ARHGAP15: variants seen among roughly 807,000 people sequenced by gnomAD.
ARHGAP15 encodes the protein rho GTPase-activating protein 15.
A neutral mutation model predicts 63.7 loss-of-function variants in ARHGAP15; 51 were observed. The observed-to-expected ratio is 0.80, with a 90% CI of 0.64 to 1.01. The LOEUF (loss-of-function observed/expected upper bound fraction) is 1.01, where lower values mean the gene tolerates loss of function less well. Among genes scored for constraint, ARHGAP15 ranks in the 50% least tolerant of loss-of-function variants. The probability of loss-of-function intolerance (pLI) is 0.00; values close to 1 mark genes in which losing one functional copy is unlikely to be tolerated. For synonymous variants in ARHGAP15, 191 were observed against 193.8 expected, an observed-to-expected ratio of 0.99 and a Z score of 0.12; for missense variants, 560 against 564.6, an observed-to-expected ratio of 0.99 and a Z score of 0.08.
At chr2:143,556,109 C>T (rs1419039684) in intron 10 of ARHGAP15, among the ~76,000 whole-genome samples, 1 of 152,064 alleles carries the variant, frequency 6.6e-6, no homozygotes, top group African/African-American at 2.4e-5. Flanking sequence ...TTCCCCCCTA[C>T]CCAGTTGGAT....
intron 6 of ARHGAP15, among the ~76,000 whole-genome samples, chr2:143,288,524 CT>C (rs1682228107): frequency 6.6e-6 from 1 of 151,988 alleles, no homozygotes; most frequent in South Asian, 2.1e-4. Flanking sequence ...GCTATTCAGT[CT>C]TCCTTTTAGA....
chr2:143,619,103 A>G (rs779070276), intron 11 of ARHGAP15, among the ~76,000 whole-genome samples: 159 of 152,044 alleles, frequency 1.0e-3, no homozygotes, highest in Non-Finnish European at 1.5e-3. Flanking sequence ...ATGAGTCACT[A>G]TACATGGACA....
intron 13 of ARHGAP15, among the ~76,000 whole-genome samples, chr2:143,737,162 G>A (rs76116177): frequency 0.072 from 10,915 of 152,254 alleles, 544 homozygotes; most frequent in East Asian, 0.26. Context: ...ATATGTTGTG[G>A]GCATTGGTCA....
chr2:143,431,936 T>C (rs1689406960), intron 6 of ARHGAP15, among the ~76,000 whole-genome samples: 1 of 152,014 alleles, frequency 6.6e-6, no homozygotes, highest in South Asian at 2.1e-4. Flanking sequence ...TCTTACATCT[T>C]TGGTAATCTC....
At chr2:143,208,212 C>T (rs1692419196) in intron 3 of ARHGAP15, among the ~76,000 whole-genome samples, 1 of 152,124 alleles carries the variant, frequency 6.6e-6, no homozygotes, top group African/African-American at 2.4e-5. Context: ...TCCTTTATAT[C>T]TCATATTGAG....
At chr2:143,264,468 A>G (rs1285897327) in intron 6 of ARHGAP15, among the ~76,000 whole-genome samples, 4 of 152,166 alleles carry the variant, frequency 2.6e-5, no homozygotes, top group African/African-American at 9.7e-5. Flanking sequence ...TCATATTCCC[A>G]AGAGTCAAGG....
intron 6 of ARHGAP15, among the ~76,000 whole-genome samples, chr2:143,307,400 G>T (rs1046903423): frequency 2.0e-5 from 3 of 152,056 alleles, no homozygotes; most frequent in African/African-American, 4.8e-5. Context: ...TTAGAATTTT[G>T]CTTTCCACAC....
chr2:143,528,334 C>T (rs1297533984), intron 10 of ARHGAP15, among the ~76,000 whole-genome samples: 4 of 152,010 alleles, frequency 2.6e-5, no homozygotes, highest in Non-Finnish European at 5.9e-5. Context: ...CATGTTAGTG[C>T]TGTTTTGTAT....
At chr2:143,426,232 C>T (rs1689132768) in intron 6 of ARHGAP15, among the ~76,000 whole-genome samples, 13 of 152,092 alleles carry the variant, frequency 8.5e-5, no homozygotes, top group Admixed American at 8.5e-4. Context: ...ACTATATCAC[C>T]ACCTGAGTTA....
At chr2:143,244,562 C>G (rs983296251) in intron 5 of ARHGAP15, among the ~76,000 whole-genome samples, 1 of 152,122 alleles carries the variant, frequency 6.6e-6, no homozygotes, top group Non-Finnish European at 1.5e-5. Flanking sequence ...AAACACATTG[C>G]ATTTTGGAAA....
chr2:143,705,247 C>A (rs527902295), intron 13 of ARHGAP15, among the ~76,000 whole-genome samples: 1 of 152,244 alleles, frequency 6.6e-6, no homozygotes, highest in East Asian at 1.9e-4. Context: ...AAAAGGGGAA[C>A]TTTATCTTAA....
intron 11 of ARHGAP15, among the ~76,000 whole-genome samples, chr2:143,568,116 A>C (rs1451144782): frequency 1.3e-5 from 2 of 152,214 alleles, no homozygotes; most frequent in Non-Finnish European, 2.9e-5. Context: ...ATGGGCAAGG[A>C]CTTCATGACT....
At chr2:143,764,282 A>G (rs1260484489) in intron 13 of ARHGAP15, among the ~76,000 whole-genome samples, 1 of 152,146 alleles carries the variant, frequency 6.6e-6, no homozygotes, top group Non-Finnish European at 1.5e-5. Context: ...AGTGGCTGAG[A>G]AGCCTTCTCC....
intron 5 of ARHGAP15, among the ~76,000 whole-genome samples, chr2:143,245,811 G>A (rs1244784786): frequency 6.6e-6 from 1 of 152,144 alleles, no homozygotes; most frequent in Non-Finnish European, 1.5e-5. Flanking sequence ...CTTCCTCTGA[G>A]GCAAAGCAGG....
chr2:143,320,403 TCCCCACC>T (rs1683954026), intron 6 of ARHGAP15, among the ~76,000 whole-genome samples: 1 of 9,008 alleles, frequency 1.1e-4, no homozygotes, highest in South Asian at 6.6e-3. Flanking sequence ...AATCAGGACT[TCCCCACC>T]CCCCCCCCCC....
In ARHGAP15 at chr2:143,723,371, G is replaced by C. The variant is rs558438144; in HGVS notation, c.1244+19847G>C. On this transcript the variant is annotated intron_variant, in intron 13 of 13. Coordinates refer to ENST00000295095, the MANE Select transcript of ARHGAP15 (RefSeq NM_018460.4). ...GAGGCTGGGGCTGAAGGAGGATGCTGGAGCAAAGCCGGAAAGCCAACAGTT... is the reference window on the plus strand; with the variant it reads ...GAGGCTGGGGCTGAAGGAGGATGCTCGAGCAAAGCCGGAAAGCCAACAGTT... Among the ~76,000 whole-genome samples the C allele has an allele frequency of 1.1e-3, 169 of 152,338 alleles. 1 individual carries two copies. The highest frequency in any genetic ancestry group is 1.7e-3 in the Non-Finnish European group (115 of 68,024).
intron 11 of ARHGAP15, among the ~76,000 whole-genome samples, chr2:143,580,305 G>T (rs1696843687): frequency 6.6e-6 from 1 of 152,038 alleles, no homozygotes; most frequent in African/African-American, 2.4e-5. Context: ...AAGATTTCCT[G>T]TATCTGTTAG....
chr2:143,742,386 G>A (rs1361671705), intron 13 of ARHGAP15, among the ~76,000 whole-genome samples: 5 of 152,182 alleles, frequency 3.3e-5, no homozygotes, highest in South Asian at 2.1e-4. Context: ...GTGGAAGACC[G>A]TGCAACGCCA....
chr2:143,682,960 A>T (rs1366844138), intron 12 of ARHGAP15: 2 of 152,188 alleles, frequency 1.3e-5, no homozygotes, highest in Admixed American at 1.3e-4. Flanking sequence ...TCCCGGAGTT[A>T]TTGATGGCAC....
Sources: gnomAD v4.1 joint callset for allele counts (sites outside exome capture counted in the v4.1 genomes callset) on GRCh38, gnomAD v4.1.1 for gene constraint, MANE v1.5 for transcripts, NCBI Gene and HGNC (gene_info 2026-07-23, HGNC 2026-07-21) for gene names.